Variants in DLG2 observed in about 807,000 individuals in gnomAD.
DLG2 encodes the protein disks large homolog 2.
A neutral mutation model predicts 132.5 loss-of-function variants in DLG2; 45 were observed. That is an observed-to-expected ratio of 0.34 (90% CI 0.27 to 0.44). The LOEUF is 0.44. Ranked by LOEUF, DLG2 falls within the 20% of genes least tolerant of loss-of-function variation. The pLI is 1.00. For missense variants in DLG2, 1,045 were observed against 1,196.9 expected, an observed-to-expected ratio of 0.87 and a Z score of 1.87; for synonymous variants, 424 against 419.6, an observed-to-expected ratio of 1.01 and a Z score of -0.13.
rs576675601 is a variant in DLG2, at chr11:83,682,866, C to T, written c.1826-49541G>A. 5.4e-4 allele frequency among the ~76,000 whole-genome samples: 82 copies of T among 152,224 alleles called. No homozygotes were observed. In the South Asian group the frequency reaches 0.014, roughly 26 times the overall value. ...GTCCTAGAGATTAGGGAGTCCTACCCCCTTACTGAGCAGATAAGGAACCCC... is the reference window on the plus strand; with the variant it reads ...GTCCTAGAGATTAGGGAGTCCTACCTCCTTACTGAGCAGATAAGGAACCCC... On this transcript the variant is annotated intron_variant, in intron 18 of 27. Coordinates refer to ENST00000376104, the MANE Select transcript of DLG2 (RefSeq NM_001142699.3).
intron 3 of DLG2, among the ~76,000 whole-genome samples, chr11:85,459,729 G>A (rs2092543599): frequency 6.6e-6 from 1 of 152,184 alleles, no homozygotes; most frequent in Admixed American, 6.5e-5. Context: ...TGATACCACT[G>A]CAGCTGCAAT....
chr11:83,740,908 A>T (rs984490587), intron 18 of DLG2, among the ~76,000 whole-genome samples: 1 of 152,176 alleles, frequency 6.6e-6, no homozygotes, highest in Admixed American at 6.6e-5. Context: ...AATCCTCAAC[A>T]AAATACTAGC....
intron 6 of DLG2, among the ~76,000 whole-genome samples, chr11:85,095,492 C>T (rs1216449622): frequency 6.6e-6 from 1 of 152,006 alleles, no homozygotes; most frequent in African/African-American, 2.4e-5. Context: ...CTTCTCAGTC[C>T]TTAATTCAGT....
intron 7 of DLG2, among the ~76,000 whole-genome samples, chr11:84,375,455 T>C (rs911670218): frequency 2.0e-5 from 3 of 152,172 alleles, no homozygotes; most frequent in Non-Finnish European, 1.5e-5. Flanking sequence ...TGTCATTTTA[T>C]AATACAGACT....
chr11:83,705,470 T>C (rs1008844790), intron 18 of DLG2, among the ~76,000 whole-genome samples: 1 of 152,074 alleles, frequency 6.6e-6, no homozygotes, highest in African/African-American at 2.4e-5. Flanking sequence ...TTGCCTCACC[T>C]CCAGAATAAT....
intron 18 of DLG2, among the ~76,000 whole-genome samples, chr11:83,769,001 C>T (rs1459579583): frequency 6.6e-6 from 1 of 152,206 alleles, no homozygotes; most frequent in African/African-American, 2.4e-5. Context: ...ACAGTGTTTA[C>T]AGTGCTTTGT....
At chr11:84,265,132 G>T (rs982213906) in intron 7 of DLG2, among the ~76,000 whole-genome samples, 11 of 152,084 alleles carry the variant, frequency 7.2e-5, no homozygotes, top group African/African-American at 2.2e-4. Flanking sequence ...TTCATGTATA[G>T]ATGTTAAAAG....
chr11:83,723,863 AT>A (rs200556029), intron 18 of DLG2, among the ~76,000 whole-genome samples: 4,340 of 152,232 alleles, frequency 0.029, 194 homozygotes, highest in African/African-American at 0.095. Context: ...CTCAAAAAAA[AT>A]AAATACATAA....
At chr11:85,062,614 T>A (rs1267783404) in intron 6 of DLG2, among the ~76,000 whole-genome samples, 1 of 151,724 alleles carries the variant, frequency 6.6e-6, no homozygotes, top group Non-Finnish European at 1.5e-5. Flanking sequence ...AGAAAGACTT[T>A]TAAATAATGT....
chr11:84,617,025 T>C (rs1357855554), intron 6 of DLG2, among the ~76,000 whole-genome samples: 1 of 151,698 alleles, frequency 6.6e-6, no homozygotes, highest in Non-Finnish European at 1.5e-5. Flanking sequence ...GGGGTACAAG[T>C]GCAGAATGTG....
chr11:83,885,702 G>T (rs1212476401), intron 15 of DLG2, among the ~76,000 whole-genome samples: 1 of 152,206 alleles, frequency 6.6e-6, no homozygotes, highest in East Asian at 1.9e-4. Flanking sequence ...CAGAGAGAAA[G>T]GTCGGGTTAC....
At chr11:83,997,510 A>T (rs1046253143) in intron 11 of DLG2, among the ~76,000 whole-genome samples, 3 of 151,932 alleles carry the variant, frequency 2.0e-5, no homozygotes, top group African/African-American at 7.3e-5. Flanking sequence ...TGAGGTAGGC[A>T]GATCACTTGG....
rs564127613 is a variant in DLG2 at position 83,700,756 on chromosome 11, A to G, written c.1826-67431T>C. On this transcript the variant is annotated intron_variant, in intron 18 of 27. Coordinates refer to ENST00000376104, the MANE Select transcript of DLG2 (RefSeq NM_001142699.3). ...AAATAAAAAAAAACTGGCTCTGAAT[A>G]AAATCCTTTATATAGTCACAAAATT... is the stretch of plus-strand genomic sequence containing the variant. Among the ~76,000 whole-genome samples, 7 of 152,314 alleles carry G rather than the reference A, an allele frequency of 4.6e-5. No homozygotes were observed. The East Asian group carries it at 1.3e-3, about 29-fold the overall frequency.
chr11:85,412,192 T>G (rs920729156), intron 3 of DLG2, among the ~76,000 whole-genome samples: 1 of 151,762 alleles, frequency 6.6e-6, no homozygotes, highest in Non-Finnish European at 1.5e-5. Flanking sequence ...CTGAAGGAAA[T>G]GATTTTTGTT....
chr11:84,680,654 A>G (rs1419902374), intron 6 of DLG2, among the ~76,000 whole-genome samples: 1 of 152,192 alleles, frequency 6.6e-6, no homozygotes, highest in Non-Finnish European at 1.5e-5. Flanking sequence ...ACATATTTAG[A>G]TTCAAATTTT....
intron 6 of DLG2, among the ~76,000 whole-genome samples, chr11:84,897,201 A>T (rs935851482): frequency 1.3e-5 from 2 of 151,770 alleles, no homozygotes; most frequent in Admixed American, 1.3e-4. Flanking sequence ...TCTGAACTTT[A>T]TGTAAATAGA....
rs770684929 is a variant in DLG2 at position 84,986,347 on chromosome 11, TGACA to T, written c.357+125310_357+125313del. ...ACCAGATGGATTCACAGCAGAATCC[TGACA>T]GACAATCAAAGAAGAATTGGTACCA... On this transcript the variant is annotated intron_variant, in intron 6 of 27. Transcript: ENST00000376104. Among the ~76,000 whole-genome samples the T allele has an allele frequency of 4.6e-5, 7 of 152,132 alleles. No individual in the cohort carries two copies. The East Asian group carries it at 9.6e-4, about 21-fold the overall frequency.
chr11:85,135,450 T>C (rs2076080554), intron 5 of DLG2, among the ~76,000 whole-genome samples: 1 of 152,200 alleles, frequency 6.6e-6, no homozygotes, highest in African/African-American at 2.4e-5. Flanking sequence ...TCCTGGAAGA[T>C]GATACCTTCG....
chr11:84,259,129 G>A (rs969495719), intron 7 of DLG2, among the ~76,000 whole-genome samples: 7 of 151,832 alleles, frequency 4.6e-5, no homozygotes, highest in Admixed American at 2.6e-4. Context: ...AAAATTAGCC[G>A]GGCATGGGGG....
Sources: allele counts gnomAD v4.1 joint callset (sites outside exome capture counted in the v4.1 genomes callset), GRCh38; gene constraint gnomAD v4.1.1; transcripts MANE v1.5; gene names NCBI Gene and HGNC (gene_info 2026-07-23, HGNC 2026-07-21).